Variants in SLC12A2 observed in about 807,000 individuals in gnomAD.
SLC12A2 encodes solute carrier family 12 member 2, also known as Na-K-2Cl cotransporter 1.
In SLC12A2, 67 loss-of-function variants were observed where a neutral mutation model predicts 136.3. That is an observed-to-expected ratio of 0.49 (90% CI 0.40 to 0.60). SLC12A2 has a LOEUF of 0.60. Among genes scored for constraint, SLC12A2 ranks in the 20% least tolerant of loss-of-function variants. The probability of loss-of-function intolerance (pLI) is 0.00; values close to 1 mark genes in which losing one functional copy is unlikely to be tolerated. For missense variants in SLC12A2, 1,322 were observed against 1,534.7 expected (o/e 0.86, Z 2.32); for synonymous variants, 619 against 562.9 (o/e 1.10, Z -1.41).
intron 24 of SLC12A2, 143 bp downstream of exon 24, chr5:128,183,084 G>A: frequency 3.6e-6 from 2 of 552,322 alleles, no homozygotes; most frequent in Non-Finnish European, 6.6e-6. Flanking sequence ...TTGATAGTTG[G>A]CATGCATATA....
chr5:128,090,742 A>C (rs1760280657), intron 1 of SLC12A2, among the ~76,000 whole-genome samples: 1 of 152,180 alleles, frequency 6.6e-6, no homozygotes, highest in South Asian at 2.1e-4. Context: ...GATACCAGGG[A>C]AAGAACACTC....
At chr5:128,089,994 A>G (rs1001988249) in intron 1 of SLC12A2, among the ~76,000 whole-genome samples, 2 of 152,168 alleles carry the variant, frequency 1.3e-5, no homozygotes, top group Non-Finnish European at 2.9e-5. Flanking sequence ...CCTGATAAGA[A>G]ATATTTACAT....
Position 128,083,992 on chromosome 5 carries a change from CG to C in SLC12A2, c.41del (p.Gly14AspfsTer128). On this transcript the variant is annotated frameshift_variant, in exon 1 of 27. Transcript: ENST00000262461. LOFTEE classifies it high-confidence loss of function. ...CCCACGGCGCCCTCCTCCGGCGCCCCGGGACTGGCCGGGGTCGGGGAGACGC... is the reference window on the plus strand; with the variant it reads ...CCCACGGCGCCCTCCTCCGGCGCCCCGGACTGGCCGGGGTCGGGGAGACGC... ...PRPTAPSSGA[P>X]GLAGVGETPS... is the part of the protein sequence containing the mutation. The C allele has an allele frequency of 8.0e-7, 1 of 1,247,492 alleles. No individual in the cohort carries two copies. Among genetic ancestry groups the C allele is most frequent in the Non-Finnish European group, 1.0e-6 (1 of 997,148 alleles). 77.3% of individuals were successfully genotyped at this position (1,247,492 alleles called of 1,614,324 possible).
rs1257283721 is a variant in SLC12A2 at position 128,188,529 on chromosome 5, G to T, written c.*1898G>T. The T allele has an allele frequency of 1.3e-5, 2 of 151,728 alleles. No homozygotes were observed. Among genetic ancestry groups the T allele is most frequent in the Non-Finnish European group, 2.9e-5 (2 of 67,920 alleles). The allele number at this position is 151,728 out of a possible 1,614,324, so 9.4% of individuals were successfully genotyped here. On this transcript the variant is annotated 3_prime_UTR_variant, in exon 27 of 27. Transcript: ENST00000262461. ...AGGATGGTGTCTATCTCTTGACCTT[G>T]TGATCCACCCGCCTCAGCCTCCCAG... is the stretch of plus-strand genomic sequence containing the variant.
chr5:128,093,238 C>CT (rs752449744), intron 1 of SLC12A2, among the ~76,000 whole-genome samples: 1 of 152,106 alleles, frequency 6.6e-6, no homozygotes, highest in Non-Finnish European at 1.5e-5. Flanking sequence ...AGTTTTCCTT[C>CT]TGCCTTTCTG....
chr5:128,169,232 A>T (rs562127029), intron 18 of SLC12A2: 2 of 70,116 alleles, frequency 2.9e-5, no homozygotes, highest in South Asian at 3.5e-4. Context: ...ATTGTCCTTT[A>T]AAAAAAACTT....
intron 10 of SLC12A2, among the ~76,000 whole-genome samples, chr5:128,146,406 G>T (rs1432919394): frequency 6.6e-6 from 1 of 151,546 alleles, no homozygotes; most frequent in East Asian, 1.9e-4. Context: ...TAATCTAGGG[G>T]AGTTTCTAGC....
chr5:128,095,880 T>C (rs1760518758), intron 1 of SLC12A2, among the ~76,000 whole-genome samples: 1 of 152,136 alleles, frequency 6.6e-6, no homozygotes, highest in Admixed American at 6.6e-5. Context: ...ATGTTGAGTC[T>C]TTGATTACCA....
At chr5:128,181,939 AC>A (rs965720605) in intron 23 of SLC12A2, among the ~76,000 whole-genome samples, 3 of 109,744 alleles carry the variant, frequency 2.7e-5, no homozygotes, top group African/African-American at 7.0e-5. Flanking sequence ...CCCCCCACTT[AC>A]CCCCCCATCT....
At chr5:128,164,289 A>C (rs1763133938) in intron 17 of SLC12A2, among the ~76,000 whole-genome samples, 3 of 152,182 alleles carry the variant, frequency 2.0e-5, no homozygotes, top group Admixed American at 2.0e-4. Flanking sequence ...TGTGGTGTAA[A>C]TGATTCTTCT....
At position 128,158,079 on chromosome 5, in the gene SLC12A2, C is replaced by G; in HGVS notation, c.2390C>G (p.Ala797Gly). 1 of 1,613,548 alleles carries G rather than the reference C, an allele frequency of 6.2e-7. No individual in the cohort carries two copies. Among genetic ancestry groups the G allele is most frequent in the East Asian group, 2.2e-5 (1 of 44,862 alleles). The change falls in exon 16 of 27, where the codon GCT (alanine) becomes GGT (glycine). Residue 797 changes from alanine to glycine, a missense_variant. Around this residue, in one of 8 missense-constraint regions of SLC12A2, gnomAD observed 294 missense variants for 436.6 expected, o/e 0.67. Transcript: ENST00000262461. The stretch of plus-strand genomic sequence containing the variant: ...CCACAGTGTCTTGTTATGACAGGTG[C>G]TCCAAACTCACGTCCAGCTTTACTT... ...FRPQCLVMTG[A>G]PNSRPALLHL...
chr5:128,104,651 A>G (rs1299987917), intron 1 of SLC12A2, among the ~76,000 whole-genome samples: 1 of 135,304 alleles, frequency 7.4e-6, no homozygotes, highest in Non-Finnish European at 1.6e-5. Flanking sequence ...AAAAAAAAAT[A>G]TATATATATA....
chr5:128,142,958 G>GT (rs149084792), intron 10 of SLC12A2, among the ~76,000 whole-genome samples: 7,983 of 152,054 alleles, frequency 0.053, 279 homozygotes, highest in Non-Finnish European at 0.072. Flanking sequence ...TGAGATTTTG[G>GT]TGCCCCTATC....
chr5:128,135,878 T>G lies in SLC12A2; in HGVS notation c.1408+70T>G. 5.7e-6 allele frequency: 5 copies of G among 878,062 alleles called. No homozygotes were observed. The South Asian group carries it at 7.4e-5, about 13-fold the overall frequency. 54.4% of individuals were successfully genotyped at this position (878,062 alleles called of 1,614,324 possible). On this transcript the variant is annotated intron_variant, in intron 7 of 26. Coordinates refer to ENST00000262461, the MANE Select transcript of SLC12A2 (RefSeq NM_001046.3). ...GAATTCTATCATCAATTAAATTTTG[T>G]ACATTTCAGATATTTTGTAACAGAA...
At chr5:128,100,931 G>C (rs1002678526) in intron 1 of SLC12A2, among the ~76,000 whole-genome samples, 1 of 152,180 alleles carries the variant, frequency 6.6e-6, no homozygotes, top group Non-Finnish European at 1.5e-5. Flanking sequence ...TGAATGGTTA[G>C]TAAAGAACAT....
chr5:128,186,156 C>T (rs993591656), intron 26 of SLC12A2, among the ~76,000 whole-genome samples: 26 of 152,120 alleles, frequency 1.7e-4, no homozygotes, highest in Non-Finnish European at 2.5e-4. Flanking sequence ...ACTACAGTAA[C>T]GTACTATACA....
At chr5:128,102,596 C>CA (rs1561657602) in intron 1 of SLC12A2, among the ~76,000 whole-genome samples, 12 of 40,468 alleles carry the variant, frequency 3.0e-4, no homozygotes, top group African/African-American at 9.6e-4. Flanking sequence ...CCCCCCCCGC[C>CA]TTTTTTTTTT....
At chr5:128,100,651 T>C (rs377523134) in intron 1 of SLC12A2, among the ~76,000 whole-genome samples, 1 of 152,142 alleles carries the variant, frequency 6.6e-6, no homozygotes, top group South Asian at 2.1e-4. Context: ...TAGTTTTTAA[T>C]TACATGGTTC....
At chr5:128,110,753 T>C in intron 1 of SLC12A2, 2 of 1,471,632 alleles carry the variant, frequency 1.4e-6, no homozygotes, top group South Asian at 2.3e-5. Flanking sequence ...CTAGAAAAAC[T>C]TAAATGGACA....
Sources: allele counts gnomAD v4.1 joint callset (sites outside exome capture counted in the v4.1 genomes callset), GRCh38; gene constraint gnomAD v4.1.1; regional missense constraint gnomAD v4.1.1; transcripts MANE v1.5; gene names NCBI Gene and HGNC (gene_info 2026-07-23, HGNC 2026-07-21).